ZNF189: variants seen among roughly 807,000 people sequenced by gnomAD.
ZNF189 encodes zinc finger protein 189.
A neutral mutation model predicts 53.5 loss-of-function variants in ZNF189; 33 were observed. The ratio of observed to expected loss-of-function variants is 0.62; its 90% confidence interval spans 0.47 to 0.82. The LOEUF is 0.82. Among genes scored for constraint, ZNF189 ranks in the 40% least tolerant of loss-of-function variants. The pLI, the probability that ZNF189 is intolerant of heterozygous loss-of-function variation, is 0.00. For missense variants in ZNF189, 711 were observed against 753.9 expected (o/e 0.94, Z 0.67); for synonymous variants, 247 against 238.8 (o/e 1.03, Z -0.32).
intron 1 of ZNF189, chr9:101,399,581 A>G (rs749013102): frequency 2.0e-5 from 26 of 1,292,904 alleles, no homozygotes; most frequent in Non-Finnish European, 2.5e-5. Flanking sequence ...GTCACAAGCC[A>G]GTGCAAATGG....
At chr9:101,399,613 G>A (rs1210691804) in intron 1 of ZNF189, 2 of 1,313,216 alleles carry the variant, frequency 1.5e-6, no homozygotes, top group Non-Finnish European at 1.9e-6. Flanking sequence ...AGGCAATGAG[G>A]TGAGGGAAGC....
Position 101,408,286 on chromosome 9 carries a change from A to G in ZNF189, c.518A>G (p.Glu173Gly), listed in dbSNP as rs1830791065. Residue 173 changes from glutamate to glycine, a missense_variant, in exon 3 of 3, where the codon GAG becomes GGG. By Grantham distance (98) the Glu-to-Gly change is moderately conservative. Transcript: ENST00000339664. Reference sequence around the variant, plus strand: ...CAACATCAAAGGGTCCATACTGGTGAGAAACCTTTTCAGTGCAATGAATGT... The same window carrying G: ...CAACATCAAAGGGTCCATACTGGTGGGAAACCTTTTCAGTGCAATGAATGT... ...FIQHQRVHTG[E>G]KPFQCNECGK... 6.2e-7 allele frequency: 1 copy of G among 1,614,042 alleles called. No individual in the cohort carries two copies. Among genetic ancestry groups the G allele is most frequent in the African/African-American group, 1.3e-5 (1 of 74,948 alleles).
intron 2 of ZNF189, among the ~76,000 whole-genome samples, chr9:101,402,715 G>A (rs1268519354): frequency 1.3e-5 from 2 of 152,136 alleles, no homozygotes; most frequent in Non-Finnish European, 2.9e-5. Context: ...CTGTGAGGAT[G>A]GTAGATATAC....
rs773769923 is a variant in ZNF189 at position 101,408,482 on chromosome 9, A to G, written c.714A>G (p.Lys238=). The part of the protein sequence containing the change: ...GERPYQCNQC[K]QSFSQRRSLV... ...GACCCTATCAGTGTAATCAGTGTAA[A>G]CAGAGCTTCAGCCAGAGAAGGAGCC... Residue 238 remains lysine, a synonymous_variant, in exon 3 of 3, where the codon AAA becomes AAG. Transcript: ENST00000339664. 2.5e-6 allele frequency: 4 copies of G among 1,614,166 alleles called. No homozygotes were observed. Among genetic ancestry groups the G allele is most frequent in the Non-Finnish European group, 3.4e-6 (4 of 1,180,030 alleles).
chr9:101,399,019 C>T lies in ZNF189; in HGVS notation c.-138C>T. On this transcript the variant is annotated 5_prime_UTR_variant, in exon 1 of 3. Transcript: ENST00000339664. ...TGTTGGGGTCGTGACCGTCTGGGGG[C>T]CGAGGCAGGCACTGGCCAGACCCAG... 1 of 738,490 alleles carries T rather than the reference C, an allele frequency of 1.4e-6. No homozygotes were observed. Among genetic ancestry groups the T allele is most frequent in the Non-Finnish European group, 2.5e-6 (1 of 404,142 alleles). 45.7% of individuals were successfully genotyped at this position (738,490 alleles called of 1,614,324 possible).
intron 2 of ZNF189, among the ~76,000 whole-genome samples, chr9:101,404,764 A>G (rs931553738): frequency 2.6e-5 from 4 of 152,196 alleles, no homozygotes. Context: ...TAATCCAACT[A>G]ACATAACTGA....
intron 2 of ZNF189, among the ~76,000 whole-genome samples, chr9:101,404,978 G>T (rs912341608): frequency 1.3e-5 from 2 of 151,392 alleles, no homozygotes; most frequent in African/African-American, 2.4e-5. Context: ...TAAACTTAAA[G>T]ATTGCTTTGA....
Position 101,399,957 on chromosome 9 carries a change from G to A in ZNF189, c.107G>A (p.Arg36Lys), listed in dbSNP as rs61758382. ...TGGGATTATCTGGACCCAGCTCAGA[G>A]AAGCCTGTATAAAGATGTCATGATG... The part of the protein sequence containing the change: ...EEWDYLDPAQ[R>K]SLYKDVMMEN... The change falls in exon 2 of 3, where the codon AGA becomes AAA. Residue 36 changes from arginine to lysine, a missense_variant. Arg to Lys is a conservative substitution (Grantham distance 26). Coordinates refer to ENST00000339664, the MANE Select transcript of ZNF189 (RefSeq NM_003452.4). The A allele has an allele frequency of 3.1e-6, 5 of 1,614,064 alleles. No homozygotes were observed. The highest frequency in any genetic ancestry group is 4.2e-6 in the Non-Finnish European group (5 of 1,180,044).
intron 1 of ZNF189, chr9:101,399,652 A>G: frequency 7.9e-6 from 10 of 1,267,586 alleles, no homozygotes; most frequent in Non-Finnish European, 1.0e-5. Flanking sequence ...AGTTTACTAA[A>G]ATTAAACTCT....
rs1830871903 is a variant in ZNF189, at chr9:101,409,738, TAAAGC to T, written c.*93_*97del. ...GCTCAACATGGGTCAGATTTAGTGA[TAAAGC>T]AAATTCTCCTTGGCCTCAGGCAAAT... On this transcript the variant is annotated 3_prime_UTR_variant, in exon 3 of 3. Transcript: ENST00000339664. 9.1e-6 allele frequency: 13 copies of T among 1,424,670 alleles called. No homozygotes were observed. In the East Asian group the frequency reaches 3.1e-4, roughly 34 times the overall value. The allele number at this position is 1,424,670 out of a possible 1,614,324, so 88.3% of individuals were successfully genotyped here.
intron 2 of ZNF189, among the ~76,000 whole-genome samples, chr9:101,400,662 C>T (rs1472078393): frequency 6.6e-6 from 1 of 152,162 alleles, no homozygotes; most frequent in Non-Finnish European, 1.5e-5. Context: ...TTAACTCGTG[C>T]CATGGATGAC....
At position 101,408,169 on chromosome 9, in the gene ZNF189, C is replaced by T. The variant is rs746686804; in HGVS notation, c.401C>T (p.Thr134Ile). 1 of 1,614,086 alleles carries T rather than the reference C, an allele frequency of 6.2e-7. No individual in the cohort carries two copies. Among genetic ancestry groups the T allele is most frequent in the East Asian group, 2.2e-5 (1 of 44,862 alleles). Residue 134 changes from threonine to isoleucine, a missense_variant, in exon 3 of 3, where the codon ACT becomes ATT. Thr to Ile is a moderately conservative substitution (Grantham distance 89). Transcript: ENST00000339664. ...GAACAGAGAATGTTCAGAGAAAACA[C>T]TAACATTATCCGTAAAAGACCAAAC... ...TQEQRMFREN[T>I]NIIRKRPNSE...
At position 101,408,660 on chromosome 9, in the gene ZNF189, A is replaced by C. The variant is rs1018267579; in HGVS notation, c.892A>C (p.Ser298Arg). ...YHCTKCKKSF[S>R]RNSLLVEHQR... ...CTGTACCAAATGTAAGAAGAGCTTT[A>C]GTCGAAATTCATTGCTTGTTGAGCA... The change falls in exon 3 of 3, where the codon AGT (serine) becomes CGT (arginine). Residue 298 changes from serine (S) to arginine (R), a missense_variant. Ser to Arg is a moderately radical substitution (Grantham distance 110). Coordinates refer to ENST00000339664, the MANE Select transcript of ZNF189 (RefSeq NM_003452.4). 1 of 1,614,190 alleles carries C rather than the reference A, an allele frequency of 6.2e-7. No homozygotes were observed. Among genetic ancestry groups the C allele is most frequent in the Non-Finnish European group, 8.5e-7 (1 of 1,180,032 alleles).
At chr9:101,400,144 A>C (rs1002904853) in intron 2 of ZNF189, 134 bp downstream of exon 2, 2 of 1,221,708 alleles carry the variant, frequency 1.6e-6, no homozygotes, top group Non-Finnish European at 2.3e-6. Context: ...TTAGCCATTA[A>C]TTGTTTCCAT....
At chr9:101,399,663 CAG>C in intron 1 of ZNF189, 1 of 1,208,194 alleles carries the variant, frequency 8.3e-7, no homozygotes, top group Non-Finnish European at 1.1e-6. Context: ...ATTAAACTCT[CAG>C]GGCATAATAA....
At chr9:101,403,356 G>T (rs1013548782) in intron 2 of ZNF189, among the ~76,000 whole-genome samples, 4 of 152,076 alleles carry the variant, frequency 2.6e-5, no homozygotes, top group Non-Finnish European at 5.9e-5. Context: ...TCCTCCCACA[G>T]TCTTTTCATC....
Position 101,399,201 on chromosome 9 carries a change from C to G in ZNF189, c.33+12C>G. 6.4e-7 allele frequency: 1 copy of G among 1,565,678 alleles called. No individual in the cohort carries two copies. The highest frequency in any genetic ancestry group is 8.8e-7 in the Non-Finnish European group (1 of 1,141,798). On this transcript the variant is annotated intron_variant, in intron 1 of 2. Transcript: ENST00000339664. ...CGCCGGAGTCGAAGGTAAGTAAGCA[C>G]CCCCCCGGGGATCCCGGTTGTCTCG...
At chr9:101,399,329 A>G (rs1830443098) in intron 1 of ZNF189, 140 bp downstream of exon 1, 1 of 1,397,326 alleles carries the variant, frequency 7.2e-7, no homozygotes, top group Non-Finnish European at 9.3e-7. Context: ...ACTCCCCACT[A>G]GTGCATTGGG....
chr9:101,399,249 C>G, intron 1 of ZNF189, 60 bp downstream of exon 1: 5 of 1,453,868 alleles, frequency 3.4e-6, no homozygotes, highest in Non-Finnish European at 4.7e-6. Context: ...CTAGGCCGCA[C>G]CACTGCTTTC....
Sources: gnomAD v4.1 joint callset for allele counts (sites outside exome capture counted in the v4.1 genomes callset) on GRCh38, gnomAD v4.1.1 for gene constraint, MANE v1.5 for transcripts, NCBI Gene and HGNC (gene_info 2026-07-23, HGNC 2026-07-21) for gene names.